The following FRAS1 variants were observed in gnomAD, a reference collection of about 807,000 sequenced individuals.
The protein encoded by FRAS1 is Fraser extracellular matrix complex subunit 1, also known as extracellular matrix organizing protein FRAS1.
FRAS1 carries 290 observed loss-of-function variants against 435.2 expected under a neutral mutation model. The ratio of observed to expected loss-of-function variants is 0.67; its 90% CI spans 0.61 to 0.73. The LOEUF (loss-of-function observed/expected upper bound fraction) is 0.73. Ranked by LOEUF, FRAS1 falls within the 30% of genes least tolerant of loss-of-function variation. The probability of loss-of-function intolerance (pLI) is 0.00; values close to 1 mark genes in which losing one functional copy is unlikely to be tolerated. For missense variants in FRAS1, 4,860 were observed against 5,001.5 expected, an observed-to-expected ratio of 0.97 and a Z score of 0.85; for synonymous variants, 1,800 against 1,851.0, an observed-to-expected ratio of 0.97 and a Z score of 0.71.
chr4:78,522,561 C>A (rs1721418488), intron 68 of FRAS1, 88 bp from the exon 69 acceptor site: 3 of 1,153,530 alleles, frequency 2.6e-6, no homozygotes, highest in African/African-American at 3.1e-5. Context: ...TAATTCAGTT[C>A]TCAGGCTTTT....
chr4:78,211,671 G>A (rs538315672), intron 2 of FRAS1, among the ~76,000 whole-genome samples: 1 of 151,842 alleles, frequency 6.6e-6, no homozygotes, highest in African/African-American at 2.4e-5. Flanking sequence ...CTGACATTAA[G>A]TAATCCCCTC....
At chr4:78,207,430 G>T (rs1723309009) in intron 2 of FRAS1, among the ~76,000 whole-genome samples, 1 of 152,110 alleles carries the variant, frequency 6.6e-6, no homozygotes, top group Admixed American at 6.5e-5. Flanking sequence ...TTAAAGCAAA[G>T]TACTTTTTTC....
At chr4:78,540,451 A>C in intron 73 of FRAS1, 80 bp from the exon 74 acceptor site, 1 of 834,614 alleles carries the variant, frequency 1.2e-6, no homozygotes, top group African/African-American at 1.7e-5. Flanking sequence ...CAAGGCATAT[A>C]GTGGCAATTA....
chr4:78,097,054 A>G (rs375587879), intron 2 of FRAS1, among the ~76,000 whole-genome samples: 8 of 152,172 alleles, frequency 5.3e-5, no homozygotes, highest in African/African-American at 1.9e-4. Context: ...TTTGCTGCTT[A>G]GAAATTTCTT....
chr4:78,443,705 A>G (rs1359611739), intron 41 of FRAS1, among the ~76,000 whole-genome samples: 1 of 152,272 alleles, frequency 6.6e-6, no homozygotes, highest in Admixed American at 6.5e-5. Flanking sequence ...TATGTCAAAA[A>G]TAGAAGGTAA....
intron 14 of FRAS1, among the ~76,000 whole-genome samples, chr4:78,291,045 C>T (rs1182895388): frequency 2.0e-5 from 3 of 152,016 alleles, no homozygotes; most frequent in East Asian, 1.9e-4. Flanking sequence ...GGATTACAGG[C>T]GTGAGCCACT....
At chr4:78,383,083 G>A (rs1251643378) in intron 27 of FRAS1, among the ~76,000 whole-genome samples, 3 of 152,182 alleles carry the variant, frequency 2.0e-5, no homozygotes, top group Non-Finnish European at 4.4e-5. Flanking sequence ...TCAGCAGCGA[G>A]TTCTGTGCTT....
chr4:78,100,922 C>A (rs2078315604), intron 2 of FRAS1, among the ~76,000 whole-genome samples: 1 of 152,182 alleles, frequency 6.6e-6, no homozygotes, highest in Non-Finnish European at 1.5e-5. Context: ...CCTCAAAGCC[C>A]ACTGTCTTTC....
chr4:78,069,381 C>T (rs1048985350), intron 2 of FRAS1, among the ~76,000 whole-genome samples: 4 of 152,224 alleles, frequency 2.6e-5, no homozygotes, highest in East Asian at 1.9e-4. Context: ...GCTAGTATTA[C>T]GCTAACTCTC....
chr4:78,180,348 A>G (rs576511202), intron 2 of FRAS1, among the ~76,000 whole-genome samples: 2 of 152,242 alleles, frequency 1.3e-5, no homozygotes, highest in Non-Finnish European at 2.9e-5. Flanking sequence ...TAAAATACAT[A>G]TAGTTAGTAT....
intron 5 of FRAS1, among the ~76,000 whole-genome samples, chr4:78,254,737 G>A (rs1725708623): frequency 7.0e-6 from 1 of 143,036 alleles, no homozygotes; most frequent in African/African-American, 2.5e-5. Flanking sequence ...AGAAAGAGGA[G>A]AAAAAGCTTT....
intron 2 of FRAS1, among the ~76,000 whole-genome samples, chr4:78,185,425 T>G (rs1039617389): frequency 6.6e-6 from 1 of 152,258 alleles, no homozygotes; most frequent in Non-Finnish European, 1.5e-5. Context: ...GTTAGCCTTT[T>G]CAGATAAAAC....
intron 18 of FRAS1, among the ~76,000 whole-genome samples, chr4:78,329,092 G>A (rs1729831957): frequency 6.6e-6 from 1 of 152,164 alleles, no homozygotes; most frequent in South Asian, 2.1e-4. Flanking sequence ...CAGTATCAAC[G>A]TAGACCCAGA....
intron 31 of FRAS1, among the ~76,000 whole-genome samples, chr4:78,411,690 T>C (rs1733342646): frequency 1.3e-5 from 2 of 152,298 alleles, no homozygotes; most frequent in South Asian, 4.1e-4. Context: ...CTTTACTAGA[T>C]TGATTCACTT....
chr4:78,274,399 G>A (rs1181708060), intron 9 of FRAS1, among the ~76,000 whole-genome samples: 1 of 152,050 alleles, frequency 6.6e-6, no homozygotes, highest in Admixed American at 6.5e-5. Context: ...TCCTTTCATT[G>A]TGATGTTAGA....
intron 14 of FRAS1, among the ~76,000 whole-genome samples, chr4:78,292,324 G>T (rs565300746): frequency 6.6e-6 from 1 of 152,214 alleles, no homozygotes; most frequent in East Asian, 1.9e-4. Context: ...TAAGTGCTCA[G>T]ATTAAACAAT....
chr4:78,285,087 A>G (rs1335267115), intron 13 of FRAS1, among the ~76,000 whole-genome samples: 1 of 152,172 alleles, frequency 6.6e-6, no homozygotes, highest in Non-Finnish European at 1.5e-5. Flanking sequence ...GTTTATGTGC[A>G]TTTCTGGATG....
At chr4:78,220,535 T>C (rs1724008773) in intron 2 of FRAS1, among the ~76,000 whole-genome samples, 2 of 152,242 alleles carry the variant, frequency 1.3e-5, no homozygotes, top group Admixed American at 1.3e-4. Flanking sequence ...ATATGTTGTC[T>C]ACTATGAGTA....
chr4:78,342,460 A>T (rs2110272729), intron 20 of FRAS1, among the ~76,000 whole-genome samples: 1 of 152,276 alleles, frequency 6.6e-6, no homozygotes, highest in Middle Eastern at 3.4e-3. Flanking sequence ...AAGATAAATG[A>T]ACTGAGGTGA....
Sources: gnomAD v4.1 joint callset for allele counts (sites outside exome capture counted in the v4.1 genomes callset) on GRCh38, gnomAD v4.1.1 for gene constraint, MANE v1.5 for transcripts, NCBI Gene and HGNC (gene_info 2026-07-23, HGNC 2026-07-21) for gene names.